ZNF280D: variants seen among roughly 807,000 people sequenced by gnomAD.
ZNF280D encodes the protein suppressor of hairy wing homolog 4.
Under a neutral mutation model 94.7 loss-of-function variants are expected in ZNF280D, and 39 were observed. The ratio of observed to expected loss-of-function variants is 0.41; its 90% CI spans 0.32 to 0.54. The LOEUF is 0.54. ZNF280D is among the 20% of genes least tolerant of loss of function. The pLI, the probability that ZNF280D is intolerant of heterozygous loss-of-function variation, is 0.22. For synonymous variants in ZNF280D, 398 were observed against 377.6 expected, an observed-to-expected ratio of 1.05 and a Z score of -0.63; for missense variants, 1,090 against 1,149.3, an observed-to-expected ratio of 0.95 and a Z score of 0.75.
At chr15:56,692,465 A>T (rs905196765) in intron 7 of ZNF280D, among the ~76,000 whole-genome samples, 2 of 152,094 alleles carry the variant, frequency 1.3e-5, no homozygotes, top group Non-Finnish European at 2.9e-5. Context: ...ATTTTCAATT[A>T]GATAAAATTA....
At position 56,632,022 on chromosome 15, in the gene ZNF280D, A is replaced by G. The variant is rs755566559; in HGVS notation, c.2416T>C (p.Ser806Pro). The G allele has an allele frequency of 4.3e-6, 7 of 1,613,972 alleles. No individual in the cohort carries two copies. The highest frequency in any genetic ancestry group is 5.9e-6 in the Non-Finnish European group (7 of 1,179,996). Residue 806 changes from serine to proline, a missense_variant, in exon 22 of 22, where the codon TCA (serine) becomes CCA (proline). Ser to Pro is a moderately conservative substitution (Grantham distance 74). Transcript: ENST00000267807. The stretch of plus-strand genomic sequence containing the variant: ...AGACAGGTTTCATTTTCCTTATCTG[A>G]AACTGTTATGCTTTCTTCACTTTTT... The part of the protein sequence containing the change: ...TTKSEESITV[S>P]DKENETCLAD...
At chr15:56,644,475 A>C (rs1195569070) in intron 19 of ZNF280D, among the ~76,000 whole-genome samples, 1 of 152,142 alleles carries the variant, frequency 6.6e-6, no homozygotes, top group Non-Finnish European at 1.5e-5. Flanking sequence ...TTTGAAATAA[A>C]TGTGTATATT....
At chr15:56,705,790 T>C (rs1369493202) in intron 3 of ZNF280D, among the ~76,000 whole-genome samples, 1 of 152,062 alleles carries the variant, frequency 6.6e-6, no homozygotes, top group Non-Finnish European at 1.5e-5. Context: ...CTTAATTTTA[T>C]ATGTCTAACG....
intron 17 of ZNF280D, among the ~76,000 whole-genome samples, chr15:56,655,843 C>G (rs1294304883): frequency 6.6e-6 from 1 of 152,072 alleles, no homozygotes; most frequent in Admixed American, 6.5e-5. Context: ...TTGGTTACAC[C>G]AAGCATTTGA....
chr15:56,649,661 T>C (rs1463375445), intron 19 of ZNF280D, among the ~76,000 whole-genome samples: 2 of 151,854 alleles, frequency 1.3e-5, no homozygotes, highest in South Asian at 2.1e-4. Flanking sequence ...CCCAACAATT[T>C]TGAACACATA....
chr15:56,710,607 T>C (rs150578072), intron 1 of ZNF280D, among the ~76,000 whole-genome samples: 45 of 152,300 alleles, frequency 3.0e-4, no homozygotes, highest in African/African-American at 1.0e-3. Flanking sequence ...TCCTATTTTA[T>C]AAATTTTTGG....
intron 9 of ZNF280D, 69 bp from the exon 10 acceptor site, chr15:56,682,546 T>C: frequency 9.9e-7 from 1 of 1,012,794 alleles, no homozygotes; most frequent in Non-Finnish European, 1.4e-6. Flanking sequence ...TACCAAAAAG[T>C]GATTGTGTGT....
At position 56,631,666 on chromosome 15, in the gene ZNF280D, G is replaced by C. The variant is rs766589156; in HGVS notation, c.2772C>G (p.Ser924=). The C allele has an allele frequency of 6.2e-7, 1 of 1,614,042 alleles. No homozygotes were observed. Among genetic ancestry groups the C allele is most frequent in the Non-Finnish European group, 8.5e-7 (1 of 1,179,988 alleles). ...GSIHLEPLTP[S]EVLEYEATEI... is the part of the protein sequence containing the mutation. ...CTGTGGCTTCATACTCAAGTACCTC[G>C]GATGGAGTCAGAGGTTCCAAATGAA... Residue 924 remains serine (S), a synonymous_variant, in exon 22 of 22, where the codon TCC becomes TCG. Transcript: ENST00000267807.
intron 20 of ZNF280D, chr15:56,635,880 A>G (rs1378732649): frequency 6.6e-6 from 1 of 152,220 alleles, no homozygotes; most frequent in Admixed American, 6.5e-5. Flanking sequence ...GCAGTATATT[A>G]AGAACTTTAC....
intron 7 of ZNF280D, among the ~76,000 whole-genome samples, chr15:56,689,872 C>T (rs537788919): frequency 6.6e-6 from 1 of 151,710 alleles, no homozygotes; most frequent in East Asian, 1.9e-4. Context: ...AAAAAAACAA[C>T]AATTACCTGT....
intron 1 of ZNF280D, among the ~76,000 whole-genome samples, chr15:56,709,433 T>C (rs1377034714): frequency 2.0e-5 from 3 of 151,972 alleles, no homozygotes; most frequent in African/African-American, 7.3e-5. Flanking sequence ...AGTTCAACCA[T>C]TGTGGAAGAC....
chr15:56,660,830 A>G (rs1050514241), intron 16 of ZNF280D, among the ~76,000 whole-genome samples: 15 of 152,084 alleles, frequency 9.9e-5, no homozygotes, highest in African/African-American at 3.6e-4. Context: ...TTTCTTCATA[A>G]TCTTGATTCC....
intron 9 of ZNF280D, among the ~76,000 whole-genome samples, chr15:56,688,609 G>C (rs1472597957): frequency 6.6e-6 from 1 of 151,528 alleles, no homozygotes; most frequent in African/African-American, 2.4e-5. Flanking sequence ...TTATACCTGA[G>C]TGTTAAAAAC....
intron 1 of ZNF280D, among the ~76,000 whole-genome samples, chr15:56,712,617 G>GAAAAAAA (rs1596624604): frequency 7.4e-6 from 1 of 135,034 alleles, no homozygotes; most frequent in Non-Finnish European, 1.6e-5. Context: ...AAAAAAAAAG[G>GAAAAAAA]AAAGAAAGAA....
intron 1 of ZNF280D, among the ~76,000 whole-genome samples, chr15:56,709,914 G>A (rs945805568): frequency 3.3e-5 from 5 of 152,104 alleles, no homozygotes; most frequent in Non-Finnish European, 5.9e-5. Context: ...TGTAAATGAT[G>A]AGTTAATGGG....
At position 56,666,516 on chromosome 15, in the gene ZNF280D, T is replaced by C; in HGVS notation, c.1873A>G (p.Lys625Glu). ...ATTTCGGAACAACACTCAATGCATT[T>C]GTGAATGCCCCGACGATACCTTAGG... ...RNLRYRRGIH[K>E]CIECCSEIKD... Residue 625 changes from lysine (K) to glutamate (E), a missense_variant, in exon 16 of 22, where the codon AAA (lysine) becomes GAA (glutamate). Around this residue, in one of 3 missense-constraint regions of ZNF280D, gnomAD observed 577 missense variants for 568.8 expected, o/e 1.01. Coordinates refer to ENST00000267807, the MANE Select transcript of ZNF280D (RefSeq NM_017661.4). 6.3e-7 allele frequency: 1 copy of C among 1,596,352 alleles called. No individual in the cohort carries two copies. The highest frequency in any genetic ancestry group is 8.5e-7 in the Non-Finnish European group (1 of 1,175,474).
At chr15:56,672,878 G>C (rs2054963615) in intron 13 of ZNF280D, among the ~76,000 whole-genome samples, 1 of 151,536 alleles carries the variant, frequency 6.6e-6, no homozygotes, top group Non-Finnish European at 1.5e-5. Context: ...GTCTCACTCT[G>C]TCATCCAGGC....
rs2054492684 is a variant in ZNF280D at position 56,668,994 on chromosome 15, T to C, written c.1411-37A>G. 3.2e-6 allele frequency: 5 copies of C among 1,577,796 alleles called. No homozygotes were observed. In the African/African-American group the frequency reaches 4.1e-5, roughly 13 times the overall value. The stretch of plus-strand genomic sequence containing the variant: ...AAAACAGAAAAAGGGGGAAAAATAA[T>C]TTCAAAAACTACAAATCCTGTGTCC... On this transcript the variant is annotated intron_variant, in intron 13 of 21. Transcript: ENST00000267807.
intron 13 of ZNF280D, among the ~76,000 whole-genome samples, chr15:56,672,421 G>A (rs2140929244): frequency 6.6e-6 from 1 of 152,148 alleles, no homozygotes; most frequent in South Asian, 2.1e-4. Context: ...AGCCTTTTCT[G>A]CATCTATTGA....
Sources: gnomAD v4.1 joint callset for allele counts (sites outside exome capture counted in the v4.1 genomes callset) on GRCh38, gnomAD v4.1.1 for gene constraint, gnomAD v4.1.1 regional missense constraint, MANE v1.5 for transcripts, NCBI Gene and HGNC (gene_info 2026-07-23, HGNC 2026-07-21) for gene names.